Variants in ADAMTS8 observed in about 807,000 individuals in gnomAD.
ADAMTS8 encodes the protein ADAM metallopeptidase with thrombospondin type 1 motif 8.
A neutral mutation model predicts 64.4 loss-of-function variants in ADAMTS8; 50 were observed. The ratio of observed to expected loss-of-function variants is 0.78; its 90% CI spans 0.62 to 0.98. The LOEUF (loss-of-function observed/expected upper bound fraction) is 0.98, where lower values mean the gene tolerates loss of function less well. Ranked by LOEUF, ADAMTS8 falls within the 50% of genes least tolerant of loss-of-function variation. The pLI, the probability that ADAMTS8 is intolerant of heterozygous loss-of-function variation, is 0.00. For synonymous variants in ADAMTS8, 556 were observed against 533.6 expected (o/e 1.04, Z -0.58); for missense variants, 1,192 against 1,208.2 (o/e 0.99, Z 0.20).
Position 130,427,599 on chromosome 11 carries a change from A to T in ADAMTS8, c.688T>A (p.Ser230Thr). The part of the protein sequence containing the change: ...FVETLLVADA[S>T]MAAFYGADLQ... ...TCGGCCCCGTAGAAGGCAGCCATGG[A>T]CGCATCGGCCACCAGCAGCGTCTCC... Residue 230 changes from serine to threonine, a missense_variant, in exon 1 of 9, where the codon TCC becomes ACC. By Grantham distance (58) the Ser-to-Thr change is moderately conservative (BLOSUM62 1). Around this residue, in one of 5 missense-constraint regions of ADAMTS8, gnomAD observed 741 missense variants for 710.6 expected, o/e 1.04. Coordinates refer to ENST00000257359, the MANE Select transcript of ADAMTS8 (RefSeq NM_007037.6). 1 of 1,543,538 alleles carries T rather than the reference A, an allele frequency of 6.5e-7. No homozygotes were observed. Among genetic ancestry groups the T allele is most frequent in the East Asian group, 2.4e-5 (1 of 41,074 alleles).
intron 1 of ADAMTS8, among the ~76,000 whole-genome samples, chr11:130,420,504 CGATCCCTA>C (rs1483279564): frequency 6.6e-6 from 1 of 152,110 alleles, no homozygotes; most frequent in Non-Finnish European, 1.5e-5. Context: ...CCTGCCTCTC[CGATCCCTA>C]GATCACCACC....
intron 1 of ADAMTS8, among the ~76,000 whole-genome samples, chr11:130,424,317 C>T (rs1228354794): frequency 1.3e-5 from 2 of 152,214 alleles, no homozygotes; most frequent in African/African-American, 4.8e-5. Flanking sequence ...CCTCTGTGAG[C>T]TGTGCAGTCT....
Position 130,417,031 on chromosome 11 carries a change from T to C in ADAMTS8, c.1005A>G (p.Ala335=). 6 of 1,614,016 alleles carry C rather than the reference T, an allele frequency of 3.7e-6. No homozygotes were observed. Among genetic ancestry groups the C allele is most frequent in the Non-Finnish European group, 5.1e-6 (6 of 1,180,006 alleles). The part of the protein sequence containing the change: ...QEGLCDTLGV[A]DIGTICDPNK... ...TGGGGTCACAAATGGTCCCGATGTC[T>C]GCCACACCCAGGGTGTCACACAGCC... is the stretch of plus-strand genomic sequence containing the variant. Residue 335 remains alanine (A), a synonymous_variant, in exon 3 of 9, where the codon GCA becomes GCG. Coordinates refer to ENST00000257359, the MANE Select transcript of ADAMTS8 (RefSeq NM_007037.6).
chr11:130,415,603 C>CCT (rs558507879), intron 4 of ADAMTS8, among the ~76,000 whole-genome samples: 8 of 104,802 alleles, frequency 7.6e-5, no homozygotes, highest in African/African-American at 2.9e-4. Flanking sequence ...GCACCTGGCC[C>CCT]TTTTTTTTTT....
rs1286089001 is a variant in ADAMTS8, at chr11:130,417,090, G to A, written c.961-15C>T. ...CCACAGAAGTTCTGCGTGGCGGGGA[G>A]AGAGCAAGAGAGTGCATCAGTGTGT... On this transcript the variant is annotated splice_polypyrimidine_tract_variant and intron_variant, in intron 2 of 8. Transcript: ENST00000257359. 5.0e-6 allele frequency: 8 copies of A among 1,613,476 alleles called. No homozygotes were observed. Among genetic ancestry groups the A allele is most frequent in the Non-Finnish European group, 5.9e-6 (7 of 1,179,896 alleles).
intron 1 of ADAMTS8, among the ~76,000 whole-genome samples, chr11:130,421,787 GGAC>G (rs142137253): frequency 0.025 from 3,851 of 152,304 alleles, 183 homozygotes; most frequent in African/African-American, 0.087. Flanking sequence ...TGGGTTCAAA[GGAC>G]AGGCCTGACT....
At chr11:130,414,410 G>C in intron 5 of ADAMTS8, 121 bp downstream of exon 5, 3 of 1,253,634 alleles carry the variant, frequency 2.4e-6, no homozygotes, top group Non-Finnish European at 3.3e-6. Context: ...CGCTCTGCCT[G>C]GCTGTCTCTC....
chr11:130,416,873 A>G lies in ADAMTS8; in HGVS notation c.1096+67T>C. On this transcript the variant is annotated intron_variant, in intron 3 of 8. Coordinates refer to ENST00000257359, the MANE Select transcript of ADAMTS8 (RefSeq NM_007037.6). This position sits in a 1 kb window ranked among gnomAD's most constrained non-coding sequence, Gnocchi z 4.8. Reference sequence around the variant, plus strand: ...GCCGCATATTCCTTAGGATCTACGCAACCTTGGATCTGGAAGAGCAGTTCC... The same window carrying G: ...GCCGCATATTCCTTAGGATCTACGCGACCTTGGATCTGGAAGAGCAGTTCC... 1.9e-6 allele frequency: 3 copies of G among 1,608,390 alleles called. No individual in the cohort carries two copies. Among genetic ancestry groups the G allele is most frequent in the Non-Finnish European group, 2.6e-6 (3 of 1,175,836 alleles).
chr11:130,413,557 T>G (rs1861979844), intron 5 of ADAMTS8, among the ~76,000 whole-genome samples: 1 of 152,150 alleles, frequency 6.6e-6, no homozygotes, highest in Admixed American at 6.5e-5. Flanking sequence ...GTAAGAGAAA[T>G]GCGATCAGCC....
In ADAMTS8 at chr11:130,428,141, C is replaced by G. The variant is rs772386364; in HGVS notation, c.146G>C (p.Ser49Thr). 106 of 1,490,840 alleles carry G rather than the reference C, an allele frequency of 7.1e-5. No homozygotes were observed. In the South Asian group the frequency reaches 1.3e-3, roughly 19 times the overall value. The allele number at this position is 1,490,840 out of a possible 1,614,324, so 92.4% of individuals were successfully genotyped here. Residue 49 changes from serine (S) to threonine (T), a missense_variant, in exon 1 of 9, where the codon AGC becomes ACC. This residue lies in a region of ADAMTS8 where 741 missense variants were observed against 710.6 expected (regional missense o/e 1.04). Transcript: ENST00000257359. ...CAGGTGGAGCGCGAGCTCGCCCGCG[C>G]TGCCGGGCAACCGCGTGGGCACCAC... ...ELVVPTRLPG[S>T]AGELALHLSA...
intron 5 of ADAMTS8, among the ~76,000 whole-genome samples, chr11:130,412,944 C>A (rs1038212840): frequency 6.6e-6 from 1 of 152,148 alleles, no homozygotes; most frequent in African/African-American, 2.4e-5. Flanking sequence ...GATCTTGGCT[C>A]ACTGCAACTG....
intron 4 of ADAMTS8, among the ~76,000 whole-genome samples, chr11:130,415,081 G>C (rs994517054): frequency 6.6e-6 from 1 of 152,194 alleles, no homozygotes; most frequent in Non-Finnish European, 1.5e-5. Flanking sequence ...CCGACATTCT[G>C]TGTACCCAGT....
chr11:130,422,822 G>C (rs576034218), intron 1 of ADAMTS8, among the ~76,000 whole-genome samples: 1 of 152,184 alleles, frequency 6.6e-6, no homozygotes, highest in African/African-American at 2.4e-5. Flanking sequence ...AGCGGTGGCC[G>C]GCACTCTGAT....
Position 130,414,687 on chromosome 11 carries a change from G to C in ADAMTS8, c.1410C>G (p.Asp470Glu). 1 of 1,613,884 alleles carries C rather than the reference G, an allele frequency of 6.2e-7. No individual in the cohort carries two copies. The change falls in exon 5 of 9, where the codon GAC (aspartate) becomes GAG (glutamate). Residue 470 changes from aspartate to glutamate, a missense_variant. By Grantham distance (45) the Asp-to-Glu change is conservative. This residue lies in a region of ADAMTS8 where 741 missense variants were observed against 710.6 expected (regional missense o/e 1.04). Transcript: ENST00000257359. ...TGTGGCACCAAAGCTGGGCGCAGAC[G>C]TCCTGAGCAGAGGTGTTGGGGCAGT... ...FRHCPNTSAQ[D>E]VCAQLWCHTD...
chr11:130,415,448 C>T (rs1368664563), intron 4 of ADAMTS8, among the ~76,000 whole-genome samples: 6 of 151,572 alleles, frequency 4.0e-5, no homozygotes, highest in East Asian at 2.0e-4. Context: ...GGACTACAGG[C>T]GTGTGCTACC....
intron 1 of ADAMTS8, among the ~76,000 whole-genome samples, chr11:130,420,005 C>G (rs1291664244): frequency 2.6e-5 from 4 of 152,226 alleles, no homozygotes; most frequent in African/African-American, 9.7e-5. Context: ...TGCTGTAATT[C>G]CATTTCACGA....
intron 1 of ADAMTS8, among the ~76,000 whole-genome samples, chr11:130,423,992 C>A (rs1862131563): frequency 6.6e-6 from 1 of 152,224 alleles, no homozygotes. Flanking sequence ...TGGAAAACTT[C>A]ATTGTCGCGT....
At chr11:130,422,976 A>G (rs1163921944) in intron 1 of ADAMTS8, among the ~76,000 whole-genome samples, 1 of 152,242 alleles carries the variant, frequency 6.6e-6, no homozygotes, top group African/African-American at 2.4e-5. Context: ...CATCCTCAAG[A>G]CAAGGCTAGG....
chr11:130,411,850 GGT>G lies in ADAMTS8; in HGVS notation c.1567-252_1567-251del. 2.0e-6 allele frequency: 1 copy of G among 508,720 alleles called. No homozygotes were observed. Among genetic ancestry groups the G allele is most frequent in the South Asian group, 2.9e-5 (1 of 34,280 alleles). The allele number at this position is 508,720 out of a possible 1,614,324, so 31.5% of individuals were successfully genotyped here. On this transcript the variant is annotated intron_variant, in intron 5 of 8. Transcript: ENST00000257359. The surrounding 1 kb of genome is among the most constrained non-coding windows in gnomAD (Gnocchi z 4.2). Reference sequence around the variant, plus strand: ...TAAAACAGTGCCTTATGCTTAGTAAGGTGCTCAATAGGCTATCTGCTGAATGA... The same window carrying G: ...TAAAACAGTGCCTTATGCTTAGTAAGGCTCAATAGGCTATCTGCTGAATGA...
Sources: allele counts gnomAD v4.1 joint callset (sites outside exome capture counted in the v4.1 genomes callset), GRCh38; gene constraint gnomAD v4.1.1; regional missense constraint gnomAD v4.1.1; non-coding constraint Gnocchi (gnomAD v3.1); transcripts MANE v1.5; gene names NCBI Gene and HGNC (gene_info 2026-07-23, HGNC 2026-07-21).